The following ANO2 variants were observed in gnomAD, a reference collection of about 807,000 sequenced individuals.
ANO2 encodes the protein anoctamin-2.
ANO2 carries 101 observed loss-of-function variants against 124.2 expected under a neutral mutation model. The ratio of observed to expected loss-of-function variants is 0.81; its 90% confidence interval spans 0.69 to 0.96. ANO2 has a LOEUF of 0.96. Ranked by LOEUF, ANO2 falls within the 40% of genes least tolerant of loss-of-function variation. ANO2 has a pLI of 0.00. For synonymous variants in ANO2, 486 were observed against 482.5 expected, an observed-to-expected ratio of 1.01 and a Z score of -0.09; for missense variants, 1,293 against 1,274.5, an observed-to-expected ratio of 1.01 and a Z score of -0.22.
At chr12:5,621,796 C>G (rs966126101) in intron 16 of ANO2, among the ~76,000 whole-genome samples, 1 of 149,210 alleles carries the variant, frequency 6.7e-6, no homozygotes, top group Admixed American at 6.7e-5. Flanking sequence ...AGGCAGACAC[C>G]GTGGAAGGCA....
chr12:5,687,000 T>A (rs3782635), intron 14 of ANO2, among the ~76,000 whole-genome samples: 56,883 of 152,114 alleles, frequency 0.37, 12,394 homozygotes, highest in East Asian at 0.59. Context: ...CACATGCCCT[T>A]ATCTGGATGG....
intron 3 of ANO2, among the ~76,000 whole-genome samples, chr12:5,901,228 G>A (rs1472795294): frequency 3.9e-5 from 6 of 152,220 alleles, no homozygotes; most frequent in African/African-American, 1.4e-4. Context: ...CAAATACTCA[G>A]GTGGGAGGGA....
intron 15 of ANO2, 94 bp downstream of exon 15, chr12:5,647,633 A>G (rs1946710783): frequency 1.9e-6 from 2 of 1,058,654 alleles, no homozygotes; most frequent in South Asian, 2.7e-5. Flanking sequence ...CCAGCCTCTC[A>G]TTATTTCCAT....
At chr12:5,874,068 C>T (rs777117723) in intron 3 of ANO2, among the ~76,000 whole-genome samples, 17 of 152,200 alleles carry the variant, frequency 1.1e-4, no homozygotes, top group South Asian at 1.0e-3. Flanking sequence ...AGGAGGAACT[C>T]AAAGAGCTGG....
At chr12:5,849,194 A>G (rs190359862) in intron 4 of ANO2, among the ~76,000 whole-genome samples, 12 of 152,304 alleles carry the variant, frequency 7.9e-5, no homozygotes, top group African/African-American at 2.9e-4. Flanking sequence ...CGATTGGACA[A>G]AAGGGATTTT....
intron 14 of ANO2, among the ~76,000 whole-genome samples, chr12:5,671,012 A>G (rs1275383048): frequency 6.6e-6 from 1 of 151,968 alleles, no homozygotes; most frequent in Non-Finnish European, 1.5e-5. Flanking sequence ...GCAACTTCAC[A>G]CTTCCCACCT....
intron 9 of ANO2, 49 bp from the exon 10 acceptor site, chr12:5,799,620 T>G (rs1290388362): frequency 1.3e-6 from 2 of 1,552,204 alleles, no homozygotes; most frequent in Non-Finnish European, 1.8e-6. Context: ...ATGGGAAACT[T>G]CACCTGATTT....
chr12:5,917,565 CTTT>C (rs1275136752), intron 3 of ANO2, among the ~76,000 whole-genome samples: 2 of 100,626 alleles, frequency 2.0e-5, no homozygotes, highest in Non-Finnish European at 2.3e-5. Context: ...TCTCTTTTTT[CTTT>C]TTTTTTTTTT....
At chr12:5,894,249 G>GT (rs913622462) in intron 3 of ANO2, among the ~76,000 whole-genome samples, 7 of 151,920 alleles carry the variant, frequency 4.6e-5, no homozygotes, top group African/African-American at 9.7e-5. Context: ...GTGGTGATGA[G>GT]TTTTTTTTCA....
intron 3 of ANO2, among the ~76,000 whole-genome samples, chr12:5,863,415 T>C (rs903749426): frequency 1.3e-5 from 2 of 152,216 alleles, no homozygotes; most frequent in Non-Finnish European, 2.9e-5. Context: ...GGCCATGGGT[T>C]CTGGAGCCTG....
rs757686539 is a variant in ANO2 at position 5,806,564 on chromosome 12, C to T, written c.949-471G>A. Among the ~76,000 whole-genome samples, 15 of 152,340 alleles carry T rather than the reference C, an allele frequency of 9.8e-5. No individual in the cohort carries two copies. In the South Asian group the frequency reaches 1.2e-3, roughly 13 times the overall value. Reference sequence around the variant, plus strand: ...TCAGCAGTCTCAAATGGCACTACCGCATGGCACGTGCCCAAGACCTGACCA... The same window carrying T: ...TCAGCAGTCTCAAATGGCACTACCGTATGGCACGTGCCCAAGACCTGACCA... On this transcript the variant is annotated intron_variant, in intron 8 of 24. Transcript: ENST00000682330.
At chr12:5,598,643 A>T (rs913312849) in intron 20 of ANO2, among the ~76,000 whole-genome samples, 4 of 152,206 alleles carry the variant, frequency 2.6e-5, no homozygotes, top group Admixed American at 1.3e-4. Flanking sequence ...GGCATGAGCC[A>T]CTGCGCTCGT....
At chr12:5,919,166 A>G (rs56696634) in intron 3 of ANO2, among the ~76,000 whole-genome samples, 22,993 of 152,128 alleles carry the variant, frequency 0.15, 1,956 homozygotes, top group Middle Eastern at 0.2. Context: ...GGATCGAGGG[A>G]CAGAGAGGGA....
At chr12:5,751,729 A>C (rs1951447201) in intron 10 of ANO2, among the ~76,000 whole-genome samples, 1 of 151,728 alleles carries the variant, frequency 6.6e-6, no homozygotes, top group Admixed American at 6.6e-5. Context: ...TCTTGTGTTA[A>C]GAGCAATTAA....
chr12:5,889,843 C>T lies in ANO2; in HGVS notation c.534+31197G>A, dbSNP rs531208996. Among the ~76,000 whole-genome samples the T allele has an allele frequency of 5.4e-3, 829 of 152,342 alleles. 6 individuals are homozygous for T. Among genetic ancestry groups the T allele is most frequent in the African/African-American group, 0.019 (803 of 41,574 alleles). On this transcript the variant is annotated intron_variant, in intron 3 of 24. Coordinates refer to ENST00000682330, the MANE Select transcript of ANO2 (RefSeq NM_001364791.2). ...TAGAGCTTCGCTCAATGAAGCACCC[C>T]GTCCAAGACCCTTTACCACCTCCTG...
At chr12:5,611,054 T>C (rs1242925155) in intron 19 of ANO2, among the ~76,000 whole-genome samples, 1 of 144,920 alleles carries the variant, frequency 6.9e-6, no homozygotes, top group Non-Finnish European at 1.5e-5. Flanking sequence ...CACTGTACCC[T>C]CCACCTCCAG....
intron 10 of ANO2, among the ~76,000 whole-genome samples, chr12:5,792,465 A>G (rs1407094099): frequency 2.0e-5 from 3 of 152,222 alleles, no homozygotes; most frequent in African/African-American, 4.8e-5. Flanking sequence ...TGATGACCTA[A>G]GTCAGCCACA....
At chr12:5,650,298 T>C (rs965378920) in intron 14 of ANO2, among the ~76,000 whole-genome samples, 3 of 152,170 alleles carry the variant, frequency 2.0e-5, no homozygotes, top group African/African-American at 4.8e-5. Context: ...GAGACATAAC[T>C]AAAAAGCAAC....
At chr12:5,874,565 T>C (rs933694006) in intron 3 of ANO2, among the ~76,000 whole-genome samples, 2 of 152,198 alleles carry the variant, frequency 1.3e-5, no homozygotes, top group African/African-American at 2.4e-5. Context: ...CCACTCTGCC[T>C]TTCTGTGCAG....
Sources: gnomAD v4.1 joint callset for allele counts (sites outside exome capture counted in the v4.1 genomes callset) on GRCh38, gnomAD v4.1.1 for gene constraint, MANE v1.5 for transcripts, NCBI Gene and HGNC (gene_info 2026-07-23, HGNC 2026-07-21) for gene names.